WSCD1: variants seen among roughly 807,000 people sequenced by gnomAD.
WSCD1 encodes the protein sialate:O-sulfotransferase 1.
In WSCD1, 41 loss-of-function variants were observed where a neutral mutation model predicts 60.4. That is an observed-to-expected ratio of 0.68 (90% CI 0.53 to 0.88). The LOEUF (loss-of-function observed/expected upper bound fraction) is 0.88, where lower values mean the gene tolerates loss of function less well. WSCD1 is among the 40% of genes least tolerant of loss of function. The pLI, the probability that WSCD1 is intolerant of heterozygous loss-of-function variation, is 0.00. For synonymous variants in WSCD1, 361 were observed against 332.5 expected (o/e 1.09, Z -0.93); for missense variants, 784 against 796.2 (o/e 0.98, Z 0.18).
chr17:6,093,756 G>A (rs912878114), intron 4 of WSCD1, among the ~76,000 whole-genome samples: 1 of 152,236 alleles, frequency 6.6e-6, no homozygotes, highest in African/African-American at 2.4e-5. Context: ...GACAACCCTA[G>A]GAACTACGCT....
Position 6,080,525 on chromosome 17 carries a change from G to A in WSCD1, c.-134G>A, listed in dbSNP as rs1309467799. On this transcript the variant is annotated 5_prime_UTR_variant, in exon 2 of 9. Transcript: ENST00000317744. The surrounding 1 kb of genome is among the most constrained non-coding windows in gnomAD (Gnocchi z 6.6). Reference sequence around the variant, plus strand: ...TGGAAACGGGGCAGGAACAGTGAGTGACCCCAGGCGAGCACAGGCAGGTGC... The same window carrying A: ...TGGAAACGGGGCAGGAACAGTGAGTAACCCCAGGCGAGCACAGGCAGGTGC... 2 of 881,198 alleles carry A rather than the reference G, an allele frequency of 2.3e-6. No individual in the cohort carries two copies. The highest frequency in any genetic ancestry group is 5.1e-5 in the East Asian group (2 of 39,100). 54.6% of individuals were successfully genotyped at this position (881,198 alleles called of 1,614,324 possible).
intron 5 of WSCD1, among the ~76,000 whole-genome samples, chr17:6,109,324 A>T (rs1911272479): frequency 6.6e-6 from 1 of 152,266 alleles, no homozygotes. Context: ...TCCCTCAGTC[A>T]TATTGCTGCT....
At position 6,121,759 on chromosome 17, in the gene WSCD1, TAGTA is replaced by T. The variant is rs151068760; in HGVS notation, c.*1099_*1102del. 0.71 allele frequency: 108,312 copies of T among 151,722 alleles called. 38,847 individuals are homozygous for T. Among genetic ancestry groups the T allele is most frequent in the Middle Eastern group, 0.82 (242 of 296 alleles). The allele number at this position is 151,722 out of a possible 1,614,324, so 9.4% of individuals were successfully genotyped here. A position where few individuals can be genotyped will look rare whatever the true frequency, so the allele number is the denominator to read the frequency against. ...CCACACTGGGGTCATGAGAGCTAGT[TAGTA>T]CTCAGCCTGACCCCTAGGTCTGGTC... On this transcript the variant is annotated 3_prime_UTR_variant, in exon 9 of 9. Coordinates refer to ENST00000317744, the MANE Select transcript of WSCD1 (RefSeq NM_015253.2).
Position 6,090,406 on chromosome 17 carries a change from T to G in WSCD1, c.628T>G (p.Cys210Gly), listed in dbSNP as rs762966961. 1.2e-6 allele frequency: 2 copies of G among 1,610,480 alleles called. No individual in the cohort carries two copies. Among genetic ancestry groups the G allele is most frequent in the Non-Finnish European group, 1.7e-6 (2 of 1,178,724 alleles). ...LPAVSVGLEE[C>G]NHECKGEKGS... ...AGCGGTGAGCGTGGGGCTGGAAGAG[T>G]GTAACCATGAGTGCAAAGGCGAGAA... Residue 210 changes from cysteine (C) to glycine (G), a missense_variant, in exon 4 of 9, where the codon TGT becomes GGT. By Grantham distance (159) the Cys-to-Gly change is radical. Transcript: ENST00000317744.
chr17:6,092,838 G>C (rs1386500608), intron 4 of WSCD1, among the ~76,000 whole-genome samples: 1 of 152,180 alleles, frequency 6.6e-6, no homozygotes, highest in Admixed American at 6.5e-5. Context: ...TCCGGAGTTG[G>C]CTGGACTTGC....
Position 6,120,779 on chromosome 17 carries a change from C to T in WSCD1, c.*118C>T. On this transcript the variant is annotated 3_prime_UTR_variant, in exon 9 of 9. Transcript: ENST00000317744. The stretch of plus-strand genomic sequence containing the variant: ...TGGGACGAACGGTGGGTGGGGGGCT[C>T]ACCCTGGTGCTGCCTCCCGCACAAG... 1 of 1,067,262 alleles carries T rather than the reference C, an allele frequency of 9.4e-7. No homozygotes were observed. The highest frequency in any genetic ancestry group is 1.3e-6 in the Non-Finnish European group (1 of 755,664). 66.1% of individuals were successfully genotyped at this position (1,067,262 alleles called of 1,614,324 possible).
At chr17:6,076,514 C>T (rs945095568) in intron 1 of WSCD1, among the ~76,000 whole-genome samples, 2 of 152,168 alleles carry the variant, frequency 1.3e-5, no homozygotes, top group African/African-American at 4.8e-5. Flanking sequence ...CTTTTCCTTG[C>T]TTGCCTCTTT....
intron 8 of WSCD1, among the ~76,000 whole-genome samples, chr17:6,119,149 A>G (rs567505983): frequency 6.6e-6 from 1 of 152,264 alleles, no homozygotes; most frequent in African/African-American, 2.4e-5. Flanking sequence ...CCCCATCCCT[A>G]ATACCATGAT....
rs1910776603 is a variant in WSCD1 at position 6,101,155 on chromosome 17, G to C, written c.849+5932G>C. Reference sequence around the variant, plus strand: ...CTCTGGAAAGGCCAGTGGTGTGGAGGCTGCCTGGCAGTCCCGGTGGCAGCT... The same window carrying C: ...CTCTGGAAAGGCCAGTGGTGTGGAGCCTGCCTGGCAGTCCCGGTGGCAGCT... On this transcript the variant is annotated intron_variant, in intron 5 of 8. Coordinates refer to ENST00000317744, the MANE Select transcript of WSCD1 (RefSeq NM_015253.2). This position sits in a 1 kb window ranked among gnomAD's most constrained non-coding sequence, Gnocchi z 4.1. Among the ~76,000 whole-genome samples, 2 of 152,154 alleles carry C rather than the reference G, an allele frequency of 1.3e-5. No individual in the cohort carries two copies. The highest frequency in any genetic ancestry group is 6.5e-5 in the Admixed American group (1 of 15,284).
At position 6,122,525 on chromosome 17, in the gene WSCD1, T is replaced by C. The variant is rs181352348; in HGVS notation, c.*1864T>C. On this transcript the variant is annotated 3_prime_UTR_variant, in exon 9 of 9. Coordinates refer to ENST00000317744, the MANE Select transcript of WSCD1 (RefSeq NM_015253.2). ...TATTTCTTCCTAGTATCAGGAGCAA[T>C]TGAGACCCCTCAGGAGTTTCCACAC... is the stretch of plus-strand genomic sequence containing the variant. 3 of 152,316 alleles carry C rather than the reference T, an allele frequency of 2.0e-5. No individual in the cohort carries two copies. Among genetic ancestry groups the C allele is most frequent in the East Asian group, 1.9e-4 (1 of 5,178 alleles). The allele number at this position is 152,316 out of a possible 1,614,324, so 9.4% of individuals were successfully genotyped here.
intron 3 of WSCD1, among the ~76,000 whole-genome samples, chr17:6,088,908 G>A (rs542943329): frequency 4.6e-5 from 7 of 150,714 alleles, no homozygotes; most frequent in Non-Finnish European, 8.8e-5. Context: ...TCAGCCTCCC[G>A]AGTAGCTGGG....
At chr17:6,088,252 G>A (rs563890593) in intron 3 of WSCD1, 148 bp downstream of exon 3, 9 of 717,034 alleles carry the variant, frequency 1.3e-5, no homozygotes, top group African/African-American at 1.1e-4. Context: ...AAGAAAGGAA[G>A]TTTGTTGGCA....
chr17:6,117,614 A>C (rs1904366226), intron 7 of WSCD1, among the ~76,000 whole-genome samples: 1 of 152,234 alleles, frequency 6.6e-6, no homozygotes, highest in Non-Finnish European at 1.5e-5. Context: ...GCTATGGTTA[A>C]ATCAAAGGTT....
At chr17:6,070,305 G>T (rs1437099695), upstream of WSCD1, 1 of 148,918 alleles carries the variant, frequency 6.7e-6, no homozygotes, top group South Asian at 2.1e-4. Flanking sequence ...CCCGGGCGGC[G>T]GGAGGTGCGC....
chr17:6,091,930 G>A (rs1451851151), intron 4 of WSCD1, among the ~76,000 whole-genome samples: 3 of 152,198 alleles, frequency 2.0e-5, no homozygotes, highest in East Asian at 3.9e-4. Context: ...GCCAAGGCGG[G>A]CGAATCATGA....
At chr17:6,097,671 A>G (rs1910532081) in intron 5 of WSCD1, among the ~76,000 whole-genome samples, 1 of 152,246 alleles carries the variant, frequency 6.6e-6, no homozygotes, top group Non-Finnish European at 1.5e-5. Flanking sequence ...GTATGTACGT[A>G]GATCACTTTG....
chr17:6,084,598 T>C (rs945183069), intron 2 of WSCD1, among the ~76,000 whole-genome samples: 1 of 152,280 alleles, frequency 6.6e-6, no homozygotes, highest in Non-Finnish European at 1.5e-5. Context: ...GAATAAAATG[T>C]CTGTAAGTTT....
chr17:6,118,284 G>A lies in WSCD1; in HGVS notation c.1375+96G>A. The A allele has an allele frequency of 7.7e-7, 1 of 1,304,876 alleles. No individual in the cohort carries two copies. Among genetic ancestry groups the A allele is most frequent in the Non-Finnish European group, 1.1e-6 (1 of 940,434 alleles). 80.8% of individuals were successfully genotyped at this position (1,304,876 alleles called of 1,614,324 possible). A position where few individuals can be genotyped will look rare whatever the true frequency, so the allele number is the denominator to read the frequency against. ...TCAATTTACACAGGTAGGCACTGCA[G>A]GATGCAGGATCAGTATACACAGGTA... On this transcript the variant is annotated intron_variant, in intron 8 of 8. Transcript: ENST00000317744. The surrounding 1 kb of genome is among the most constrained non-coding windows in gnomAD (Gnocchi z 5.8).
chr17:6,086,783 G>A (rs1909679943), intron 2 of WSCD1, among the ~76,000 whole-genome samples: 1 of 152,186 alleles, frequency 6.6e-6, no homozygotes, highest in Admixed American at 6.5e-5. Context: ...CCCAGCCGCT[G>A]CCCTGGACCA....
Sources: gnomAD v4.1 joint callset for allele counts (sites outside exome capture counted in the v4.1 genomes callset) on GRCh38, gnomAD v4.1.1 for gene constraint, Gnocchi (gnomAD v3.1) non-coding constraint, MANE v1.5 for transcripts, NCBI Gene and HGNC (gene_info 2026-07-23, HGNC 2026-07-21) for gene names.